Variants in CPNE4 observed in about 807,000 individuals in gnomAD.
CPNE4 encodes the protein copine 4.
In CPNE4, 25 loss-of-function variants were observed where a neutral mutation model predicts 67.9. The observed-to-expected ratio is 0.37, with a 90% CI of 0.27 to 0.51. The LOEUF (loss-of-function observed/expected upper bound fraction) is 0.51, where lower values mean the gene tolerates loss of function less well. Ranked by LOEUF, CPNE4 falls within the 20% of genes least tolerant of loss-of-function variation. The pLI, the probability that CPNE4 is intolerant of heterozygous loss-of-function variation, is 0.93. For synonymous variants in CPNE4, 242 were observed against 244.9 expected, an observed-to-expected ratio of 0.99 and a Z score of 0.11; for missense variants, 464 against 690.8, an observed-to-expected ratio of 0.67 and a Z score of 3.68.
At chr3:131,706,167 CAGA>C (rs1226619384) in intron 3 of CPNE4, among the ~76,000 whole-genome samples, 2 of 152,148 alleles carry the variant, frequency 1.3e-5, no homozygotes, top group African/African-American at 2.4e-5. Flanking sequence ...GTTCATAGGT[CAGA>C]AGATGCTTGA....
chr3:131,722,887 T>G (rs975355493), intron 3 of CPNE4, among the ~76,000 whole-genome samples: 4 of 152,240 alleles, frequency 2.6e-5, no homozygotes, highest in African/African-American at 9.6e-5. Flanking sequence ...TCAAATCACT[T>G]AACCTCTCTG....
rs1187595023 is a variant in CPNE4, at chr3:131,723,620, G to A, written c.186C>T (p.Asp62=). 2 of 1,607,784 alleles carry A rather than the reference G, an allele frequency of 1.2e-6. No homozygotes were observed. Among genetic ancestry groups the A allele is most frequent in the African/African-American group, 1.3e-5 (1 of 74,544 alleles). The change falls in exon 3 of 16, where the codon GAC becomes GAT. Residue 62 remains aspartate, a synonymous_variant. Coordinates refer to ENST00000429747, the MANE Select transcript of CPNE4 (RefSeq NM_130808.3). The part of the protein sequence containing the change: ...MQSHGQWFEV[D]RTEVIRTCIN... ...TGCAGGTGCGAATCACCTCAGTCCTGTCAACCTGCAAGGAGAAAGAGAAAA... is the reference window on the plus strand; with the variant it reads ...TGCAGGTGCGAATCACCTCAGTCCTATCAACCTGCAAGGAGAAAGAGAAAA...
intron 2 of CPNE4, among the ~76,000 whole-genome samples, chr3:131,743,977 A>AAAAC (rs1553763710): frequency 1.0e-4 from 15 of 148,774 alleles, no homozygotes. Context: ...AAAAAAAAAA[A>AAAAC]AAAAAAACAA....
At chr3:131,803,870 G>A (rs1306250613) in intron 2 of CPNE4, among the ~76,000 whole-genome samples, 2 of 152,186 alleles carry the variant, frequency 1.3e-5, no homozygotes, top group South Asian at 2.1e-4. Context: ...GTGGAAAACC[G>A]TAAAGACTAA....
chr3:131,933,666 G>A (rs902257333), intron 1 of CPNE4, among the ~76,000 whole-genome samples: 1 of 151,786 alleles, frequency 6.6e-6, no homozygotes, highest in African/African-American at 2.4e-5. Flanking sequence ...TAAAGGAAAT[G>A]TAATATATAT....
At chr3:131,645,744 C>G (rs1380484139) in intron 7 of CPNE4, among the ~76,000 whole-genome samples, 1 of 152,074 alleles carries the variant, frequency 6.6e-6, no homozygotes, top group Non-Finnish European at 1.5e-5. Flanking sequence ...AATAACAGGT[C>G]CCTTAAAGGG....
intron 15 of CPNE4, among the ~76,000 whole-genome samples, chr3:131,541,997 T>G (rs1183302754): frequency 1.3e-5 from 2 of 152,152 alleles, no homozygotes; most frequent in African/African-American, 4.8e-5. Flanking sequence ...ACTAACTTTA[T>G]CATCTTGTTT....
chr3:131,737,823 T>G (rs11922581), intron 2 of CPNE4, among the ~76,000 whole-genome samples: 74,602 of 151,872 alleles, frequency 0.49, 18,420 homozygotes, highest in East Asian at 0.66. Flanking sequence ...CTTAAACTTA[T>G]CCTCCTAGAG....
chr3:131,894,485 T>C (rs998810527), intron 2 of CPNE4, among the ~76,000 whole-genome samples: 1 of 151,654 alleles, frequency 6.6e-6, no homozygotes, highest in Non-Finnish European at 1.5e-5. Context: ...TAACAAAGGG[T>C]TAATATTCAT....
chr3:131,878,413 TAAA>T (rs781419682), intron 2 of CPNE4, among the ~76,000 whole-genome samples: 9 of 152,016 alleles, frequency 5.9e-5, no homozygotes, highest in Non-Finnish European at 1.3e-4. Flanking sequence ...TCAAAGATAA[TAAA>T]AAATAATCTG....
intron 7 of CPNE4, among the ~76,000 whole-genome samples, chr3:131,608,645 A>T (rs1939646288): frequency 6.6e-6 from 1 of 152,142 alleles, no homozygotes; most frequent in Non-Finnish European, 1.5e-5. Flanking sequence ...TAGGAGGTTG[A>T]TAATAGTGGA....
chr3:131,936,712 G>A (rs529141755), intron 1 of CPNE4, among the ~76,000 whole-genome samples: 138 of 151,946 alleles, frequency 9.1e-4, no homozygotes, highest in Middle Eastern at 6.9e-3. Flanking sequence ...TATGAAAATT[G>A]TGATGAACAC....
intron 1 of CPNE4, among the ~76,000 whole-genome samples, chr3:131,945,932 T>C (rs1409417319): frequency 6.6e-6 from 1 of 152,182 alleles, no homozygotes; most frequent in Non-Finnish European, 1.5e-5. Flanking sequence ...CCATGTGTGC[T>C]ATGTTTTAAG....
At chr3:131,558,702 A>G (rs768244046) in intron 11 of CPNE4, among the ~76,000 whole-genome samples, 4 of 152,018 alleles carry the variant, frequency 2.6e-5, no homozygotes, top group Non-Finnish European at 5.9e-5. Flanking sequence ...ATAAACGTAA[A>G]GAAAAATTAC....
At chr3:131,774,144 C>T (rs144312127) in intron 2 of CPNE4, among the ~76,000 whole-genome samples, 1,855 of 152,236 alleles carry the variant, frequency 0.012, 47 homozygotes, top group African/African-American at 0.042. Context: ...ACTCCAGCTT[C>T]TTCCAGCAGG....
chr3:131,559,116 C>G (rs1272082114), intron 11 of CPNE4, among the ~76,000 whole-genome samples: 1 of 151,934 alleles, frequency 6.6e-6, no homozygotes. Flanking sequence ...AATCCTTTTG[C>G]AAGTCAGGTA....
intron 2 of CPNE4, among the ~76,000 whole-genome samples, chr3:131,873,294 A>G (rs72989569): frequency 2.0e-3 from 298 of 152,288 alleles, no homozygotes; most frequent in African/African-American, 6.8e-3. Context: ...TCTTTATATT[A>G]AATTATCTCT....
chr3:131,797,962 G>A (rs1283622530), intron 2 of CPNE4, among the ~76,000 whole-genome samples: 1 of 152,148 alleles, frequency 6.6e-6, no homozygotes, highest in African/African-American at 2.4e-5. Flanking sequence ...GGTTCCCAGT[G>A]AGGGTTCTCT....
intron 1 of CPNE4, among the ~76,000 whole-genome samples, chr3:131,946,262 G>C (rs2071549094): frequency 6.6e-6 from 1 of 152,052 alleles, no homozygotes; most frequent in Non-Finnish European, 1.5e-5. Context: ...CATATTAATG[G>C]AGTTATACAA....
Sources: gnomAD v4.1 joint callset for allele counts (sites outside exome capture counted in the v4.1 genomes callset) on GRCh38, gnomAD v4.1.1 for gene constraint, MANE v1.5 for transcripts, NCBI Gene and HGNC (gene_info 2026-07-23, HGNC 2026-07-21) for gene names.